Variants in PEX5L observed in about 807,000 individuals in gnomAD.
PEX5L encodes PEX5-related protein.
In PEX5L, 30 loss-of-function variants were observed where a neutral mutation model predicts 84.0. The observed-to-expected ratio is 0.36, with a 90% CI of 0.27 to 0.48. PEX5L has a LOEUF of 0.48. Ranked by LOEUF, PEX5L falls within the 20% of genes least tolerant of loss-of-function variation. The pLI is 0.99. For synonymous variants in PEX5L, 270 were observed against 283.1 expected, an observed-to-expected ratio of 0.95 and a Z score of 0.46; for missense variants, 533 against 754.6, an observed-to-expected ratio of 0.71 and a Z score of 3.44.
chr3:179,987,472 G>C (rs969723682), intron 1 of PEX5L, among the ~76,000 whole-genome samples: 3 of 152,220 alleles, frequency 2.0e-5, no homozygotes, highest in African/African-American at 7.2e-5. Context: ...GTGAGAAGCA[G>C]TCTTGCTGTG....
rs1718595602 is a variant in PEX5L, at chr3:179,800,653, AT to A, written c.*1174del. 6.6e-6 allele frequency: 1 copy of A among 152,220 alleles called. No individual in the cohort carries two copies. Among genetic ancestry groups the A allele is most frequent in the African/African-American group, 2.4e-5 (1 of 41,460 alleles). The allele number at this position is 152,220 out of a possible 1,614,324, so 9.4% of individuals were successfully genotyped here. A position where few individuals can be genotyped will look rare whatever the true frequency, so the allele number is the denominator to read the frequency against. Reference sequence around the variant, plus strand: ...GCATCTTTCATATGAAATCACTGGCATTCAGTGAGATTTGGTTTGAAAGTGT... The same window carrying A: ...GCATCTTTCATATGAAATCACTGGCATCAGTGAGATTTGGTTTGAAAGTGT... On this transcript the variant is annotated 3_prime_UTR_variant, in exon 15 of 15. Coordinates refer to ENST00000467460, the MANE Select transcript of PEX5L (RefSeq NM_016559.3).
In PEX5L at chr3:179,837,617, A is replaced by G. The variant is rs115223034; in HGVS notation, c.823-17641T>C. On this transcript the variant is annotated intron_variant, in intron 8 of 14. Coordinates refer to ENST00000467460, the MANE Select transcript of PEX5L (RefSeq NM_016559.3). ...TTACATAACTGTTTGCTCAATTGGT[A>G]CAAGTGGTCCCTTTTATAGAGTTAG... 6.2e-3 allele frequency among the ~76,000 whole-genome samples: 941 copies of G among 152,326 alleles called. 6 individuals are homozygous for G. The highest frequency in any genetic ancestry group is 0.021 in the African/African-American group (855 of 41,580).
chr3:179,906,093 A>G (rs2109106311), intron 2 of PEX5L, among the ~76,000 whole-genome samples: 1 of 152,336 alleles, frequency 6.6e-6, no homozygotes, highest in African/African-American at 2.4e-5. Flanking sequence ...TTGCCGGGTA[A>G]AGATGCTTAA....
chr3:179,983,837 G>A (rs1561019891), intron 1 of PEX5L, among the ~76,000 whole-genome samples: 3 of 152,034 alleles, frequency 2.0e-5, no homozygotes, highest in Admixed American at 1.3e-4. Flanking sequence ...AGTTAAAGAC[G>A]TTTCTGATGA....
intron 1 of PEX5L, among the ~76,000 whole-genome samples, chr3:180,035,737 G>A (rs1339951156): frequency 1.3e-5 from 2 of 152,166 alleles, no homozygotes; most frequent in East Asian, 3.8e-4. Context: ...TGGAAAGGAA[G>A]CCCAAACATC....
At chr3:179,972,812 G>A (rs1785094197) in intron 1 of PEX5L, among the ~76,000 whole-genome samples, 2 of 150,708 alleles carry the variant, frequency 1.3e-5, no homozygotes, top group Non-Finnish European at 2.9e-5. Flanking sequence ...TCCAATTTTT[G>A]TGGGTTTTTT....
chr3:179,976,620 T>C (rs1785822929), intron 1 of PEX5L, among the ~76,000 whole-genome samples: 1 of 152,162 alleles, frequency 6.6e-6, no homozygotes, highest in African/African-American at 2.4e-5. Context: ...GTATTTTTAG[T>C]AGAGACGGGG....
chr3:179,966,175 T>C (rs548103916), intron 2 of PEX5L, among the ~76,000 whole-genome samples: 2 of 152,330 alleles, frequency 1.3e-5, no homozygotes, highest in South Asian at 2.1e-4. Context: ...TTAAGGCAAC[T>C]ACAACTGCAT....
chr3:179,884,980 TTTGTA>T (rs1402124583), intron 4 of PEX5L, among the ~76,000 whole-genome samples: 1 of 150,128 alleles, frequency 6.7e-6, no homozygotes, highest in Non-Finnish European at 1.5e-5. Flanking sequence ...TTTTTTTTAT[TTTGTA>T]TTGATTTATA....
Position 179,957,759 on chromosome 3 carries a change from TATC to T in PEX5L, c.93+13832_93+13834del, listed in dbSNP as rs568149191. ...TCTAATGCAAAGTAAGGATTTAATTTATCATACGTAGCACCTCAGACACAAGCA... is the reference window on the plus strand; with the variant it reads ...TCTAATGCAAAGTAAGGATTTAATTTATACGTAGCACCTCAGACACAAGCA... On this transcript the variant is annotated intron_variant, in intron 2 of 14. Transcript: ENST00000467460. 1.3e-3 allele frequency among the ~76,000 whole-genome samples: 191 copies of T among 152,326 alleles called. 1 individual carries two copies. Among genetic ancestry groups the T allele is most frequent in the Middle Eastern group, 3.4e-3 (1 of 294 alleles).
chr3:179,860,866 C>T (rs1745849462), intron 7 of PEX5L, among the ~76,000 whole-genome samples: 6 of 152,138 alleles, frequency 3.9e-5, no homozygotes, highest in Admixed American at 3.9e-4. Context: ...GCTGGTACTT[C>T]AAGGCCATGC....
chr3:180,004,750 C>A (rs916776048), intron 1 of PEX5L, among the ~76,000 whole-genome samples: 1 of 151,704 alleles, frequency 6.6e-6, no homozygotes, highest in Non-Finnish European at 1.5e-5. Flanking sequence ...CCAAAAGCAG[C>A]CCCATGGGAC....
chr3:179,813,337 TAA>T (rs892021406), intron 10 of PEX5L, among the ~76,000 whole-genome samples: 6 of 152,272 alleles, frequency 3.9e-5, no homozygotes, highest in Non-Finnish European at 8.8e-5. Flanking sequence ...AATATGTCCT[TAA>T]AAAAATCTTC....
intron 1 of PEX5L, among the ~76,000 whole-genome samples, chr3:180,010,240 C>T (rs1040368939): frequency 3.2e-5 from 4 of 124,524 alleles, no homozygotes; most frequent in Non-Finnish European, 5.1e-5. Context: ...CCACTGCACC[C>T]GGCCTCTTTT....
intron 10 of PEX5L, among the ~76,000 whole-genome samples, chr3:179,812,704 A>G (rs1004293664): frequency 3.3e-5 from 5 of 152,056 alleles, no homozygotes; most frequent in African/African-American, 1.2e-4. Flanking sequence ...TCATAAGAAC[A>G]ATAACTCTCA....
chr3:179,928,263 C>T (rs1026037602), intron 2 of PEX5L, among the ~76,000 whole-genome samples: 13 of 152,198 alleles, frequency 8.5e-5, no homozygotes, highest in African/African-American at 3.1e-4. Context: ...TACTTTATTA[C>T]AGAGAGAAGC....
intron 1 of PEX5L, among the ~76,000 whole-genome samples, chr3:180,033,753 C>T (rs1256489038): frequency 6.6e-6 from 1 of 152,108 alleles, no homozygotes; most frequent in Non-Finnish European, 1.5e-5. Flanking sequence ...AAAGAAGCAA[C>T]CTTTGCTTCA....
intron 3 of PEX5L, chr3:179,888,095 G>C: frequency 1.6e-6 from 2 of 1,224,910 alleles, no homozygotes; most frequent in Non-Finnish European, 2.2e-6. Context: ...AATCATAGTT[G>C]CTAAGGGCCA....
At chr3:179,916,695 C>T (rs1017932364) in intron 2 of PEX5L, among the ~76,000 whole-genome samples, 3 of 152,018 alleles carry the variant, frequency 2.0e-5, no homozygotes, top group Admixed American at 6.6e-5. Flanking sequence ...TTTGAGACAG[C>T]GTCTCGTTTT....
Sources: allele counts gnomAD v4.1 joint callset (sites outside exome capture counted in the v4.1 genomes callset), GRCh38; gene constraint gnomAD v4.1.1; transcripts MANE v1.5; gene names NCBI Gene and HGNC (gene_info 2026-07-23, HGNC 2026-07-21).